Variants in CASC3 observed in about 807,000 individuals in gnomAD.
The protein encoded by CASC3 is protein CASC3.
In CASC3, 30 loss-of-function variants were observed where a neutral mutation model predicts 80.5. That is an observed-to-expected ratio of 0.37 (90% CI 0.28 to 0.51). CASC3 has a LOEUF of 0.51. CASC3 is among the 20% of genes least tolerant of loss of function. The pLI, the probability that CASC3 is intolerant of heterozygous loss-of-function variation, is 0.94. For synonymous variants in CASC3, 312 were observed against 333.6 expected, an observed-to-expected ratio of 0.94 and a Z score of 0.70; for missense variants, 824 against 922.2, an observed-to-expected ratio of 0.89 and a Z score of 1.38.
Position 40,140,627 on chromosome 17 carries a change from G to C in CASC3, c.79G>C (p.Gly27Arg), listed in dbSNP as rs773157954. ...TGGTGCTTCGGGCTCCGACAGCGGC[G>C]GCTCCCCGTTGCGGGGAGGCGGGAG... ...ESGASGSDSG[G>R]SPLRGGGSCS... Residue 27 changes from glycine (G) to arginine (R), a missense_variant, in exon 1 of 14, where the codon GGC (glycine) becomes CGC (arginine). By Grantham distance (125) the Gly-to-Arg change is moderately radical. This residue lies in a region of CASC3 where 159 missense variants were observed against 122.2 expected (regional missense o/e 1.30). Coordinates refer to ENST00000264645, the MANE Select transcript of CASC3 (RefSeq NM_007359.5). The C allele has an allele frequency of 2.5e-6, 4 of 1,609,310 alleles. No individual in the cohort carries two copies. The highest frequency in any genetic ancestry group is 3.4e-6 in the Non-Finnish European group (4 of 1,179,192).
At chr17:40,164,822 C>G (rs1202182003) in intron 7 of CASC3, among the ~76,000 whole-genome samples, 2 of 130,652 alleles carry the variant, frequency 1.5e-5, no homozygotes, top group African/African-American at 2.9e-5. Flanking sequence ...GTGGCACGAT[C>G]TTGGCTCACT....
rs1391029339 is a variant in CASC3 at position 40,163,810 on chromosome 17, G to C, written c.1115G>C (p.Gly372Ala). Residue 372 changes from glycine to alanine, a missense_variant, in exon 7 of 14, where the codon GGC becomes GCC. Physicochemically the swap from Gly to Ala is moderately conservative, Grantham distance 60. Around this residue, in one of 3 missense-constraint regions of CASC3, gnomAD observed 464 missense variants for 506.0 expected, o/e 0.92. Transcript: ENST00000264645. ...PSPEADAPVL[G>A]SPEKEEAASE... ...CCAGAAGCAGATGCTCCAGTGCTTG[G>C]CAGTCCTGAGAAGGAAGAGGCAGCC... is the stretch of plus-strand genomic sequence containing the variant. 1.2e-6 allele frequency: 2 copies of C among 1,614,046 alleles called. No homozygotes were observed. Among genetic ancestry groups the C allele is most frequent in the East Asian group, 2.2e-5 (1 of 44,888 alleles).
intron 3 of CASC3, among the ~76,000 whole-genome samples, chr17:40,148,164 C>G (rs1988906444): frequency 6.6e-6 from 1 of 151,950 alleles, no homozygotes; most frequent in Non-Finnish European, 1.5e-5. Context: ...TGTTGTTTTT[C>G]TGTGGTGGTG....
intron 3 of CASC3, among the ~76,000 whole-genome samples, chr17:40,155,170 T>G (rs901848561): frequency 6.6e-6 from 1 of 152,188 alleles, no homozygotes; most frequent in Non-Finnish European, 1.5e-5. Flanking sequence ...ATTACAGGCA[T>G]GAGCCACTGC....
At chr17:40,144,650 C>T (rs1988807476) in intron 3 of CASC3, among the ~76,000 whole-genome samples, 1 of 149,614 alleles carries the variant, frequency 6.7e-6, no homozygotes, top group Admixed American at 6.7e-5. Flanking sequence ...GCCACTGTGC[C>T]CAGCCCTCTT....
Position 40,163,912 on chromosome 17 carries a change from G to A in CASC3, c.1217G>A (p.Arg406Gln), listed in dbSNP as rs564503238. ...CCCATTGAGAAGAAATCCTATTCCC[G>A]GGCAAGAAGAACTCGAACCAAAGTT... ...DRPIEKKSYS[R>Q]ARRTRTKVGD... Residue 406 changes from arginine (R) to glutamine (Q), a missense_variant, in exon 7 of 14, where the codon CGG becomes CAG. Around this residue, in one of 3 missense-constraint regions of CASC3, gnomAD observed 464 missense variants for 506.0 expected, o/e 0.92. Coordinates refer to ENST00000264645, the MANE Select transcript of CASC3 (RefSeq NM_007359.5). 3.6e-5 allele frequency: 58 copies of A among 1,613,858 alleles called. No homozygotes were observed. The highest frequency in any genetic ancestry group is 4.8e-5 in the Non-Finnish European group (57 of 1,180,018).
In CASC3 at chr17:40,171,006, C is replaced by T; in HGVS notation, c.*601C>T. The T allele has an allele frequency of 2.0e-6, 2 of 985,466 alleles. No individual in the cohort carries two copies. The highest frequency in any genetic ancestry group is 9.4e-5 in the South Asian group (2 of 21,276). 61.0% of individuals were successfully genotyped at this position (985,466 alleles called of 1,614,324 possible). A position where few individuals can be genotyped will look rare whatever the true frequency, so the allele number is the denominator to read the frequency against. On this transcript the variant is annotated 3_prime_UTR_variant, in exon 14 of 14. Coordinates refer to ENST00000264645, the MANE Select transcript of CASC3 (RefSeq NM_007359.5). ...CCCACCAAGTCTAAAAAGACCTGGC[C>T]TTTCACTTTTAGTTGGCATTTGTTA...
In CASC3 at chr17:40,140,775, A is replaced by C. The variant is rs1598417215; in HGVS notation, c.227A>C (p.Glu76Ala). The C allele has an allele frequency of 1.0e-5, 11 of 1,069,988 alleles. No homozygotes were observed. Among genetic ancestry groups the C allele is most frequent in the South Asian group, 3.5e-5 (2 of 56,648 alleles). The allele number at this position is 1,069,988 out of a possible 1,614,324, so 66.3% of individuals were successfully genotyped here. ...SGGAKSAEES[E>A]CESEDGIEGD... is the part of the protein sequence containing the mutation. ...GGCGCCAAGAGTGCTGAGGAGTCGG[A>C]GTGTGTGAGTGCGCGCAGGCGGGGC... Residue 76 changes from glutamate to alanine, a missense_variant, in exon 1 of 14, where the codon GAG becomes GCG. Around this residue, in one of 3 missense-constraint regions of CASC3, gnomAD observed 159 missense variants for 122.2 expected, o/e 1.30. Transcript: ENST00000264645.
At position 40,165,800 on chromosome 17, in the gene CASC3, C is replaced by T. The variant is rs1989435600; in HGVS notation, c.1472-997C>T. Among the ~76,000 whole-genome samples the T allele has an allele frequency of 1.3e-5, 2 of 149,962 alleles. 1 individual carries two copies. Among genetic ancestry groups the T allele is most frequent in the South Asian group, 4.2e-4 (2 of 4,768 alleles). On this transcript the variant is annotated intron_variant, in intron 7 of 13. Coordinates refer to ENST00000264645, the MANE Select transcript of CASC3 (RefSeq NM_007359.5). The stretch of plus-strand genomic sequence containing the variant: ...TTTTAGATGGGTCCCACTTTGTCAC[C>T]CAGGCTAGAGTCTGGAGTGCAGTAG...
rs1989508389 is a variant in CASC3, at chr17:40,168,407, C to T, written c.1955C>T (p.Pro652Leu). 1 of 1,612,808 alleles carries T rather than the reference C, an allele frequency of 6.2e-7. No homozygotes were observed. Among genetic ancestry groups the T allele is most frequent in the Non-Finnish European group, 8.5e-7 (1 of 1,178,860 alleles). The change falls in exon 11 of 14, where the codon CCT (proline) becomes CTT (leucine). Residue 652 changes from proline to leucine, a missense_variant. Coordinates refer to ENST00000264645, the MANE Select transcript of CASC3 (RefSeq NM_007359.5). ...LPPPPPPHLY[P>L]NTQAPSQVYG... The stretch of plus-strand genomic sequence containing the variant: ...CCCCCACCACCGCCTCATCTGTATC[C>T]TAATACACAGGTGAGATGGCTAATG...
At chr17:40,151,694 CAAAAAAAAA>C (rs1010260103) in intron 3 of CASC3, among the ~76,000 whole-genome samples, 3 of 53,098 alleles carry the variant, frequency 5.6e-5, no homozygotes, top group Non-Finnish European at 1.2e-4. Context: ...ACCTTCATCT[CAAAAAAAAA>C]AAAAAAAAAA....
chr17:40,140,789 C>A lies in CASC3; in HGVS notation c.231+10C>A, dbSNP rs532751417. 3.7e-6 allele frequency: 4 copies of A among 1,069,440 alleles called. No individual in the cohort carries two copies. The highest frequency in any genetic ancestry group is 4.0e-5 in the African/African-American group (2 of 49,668). The allele number at this position is 1,069,440 out of a possible 1,614,324, so 66.2% of individuals were successfully genotyped here. ...TGAGGAGTCGGAGTGTGTGAGTGCG[C>A]GCAGGCGGGGCGGGGTGGGGACCGG... On this transcript the variant is annotated intron_variant, in intron 1 of 13. Transcript: ENST00000264645.
At chr17:40,144,708 GC>G (rs1988810933) in intron 3 of CASC3, among the ~76,000 whole-genome samples, 1 of 132,312 alleles carries the variant, frequency 7.6e-6, no homozygotes, top group South Asian at 2.4e-4. Context: ...TCACTCTGTT[GC>G]CCAGTCACCC....
intron 1 of CASC3, 66 bp from the exon 2 acceptor site, chr17:40,141,141 T>C (rs781220756): frequency 6.9e-7 from 1 of 1,458,056 alleles, no homozygotes; most frequent in South Asian, 1.1e-5. Context: ...TTCACCCACA[T>C]TTCTTTATTG....
intron 3 of CASC3, among the ~76,000 whole-genome samples, chr17:40,153,147 C>T (rs1287108291): frequency 6.6e-6 from 1 of 152,070 alleles, no homozygotes. Flanking sequence ...AGTTTTATAT[C>T]CTTTTACCAC....
intron 3 of CASC3, among the ~76,000 whole-genome samples, chr17:40,149,412 C>A (rs560998064): frequency 2.6e-5 from 4 of 151,280 alleles, no homozygotes; most frequent in Admixed American, 2.6e-4. Flanking sequence ...TGTGCCTGGC[C>A]AAAAAAACTT....
At chr17:40,148,441 T>C (rs555374615) in intron 3 of CASC3, among the ~76,000 whole-genome samples, 2 of 151,930 alleles carry the variant, frequency 1.3e-5, no homozygotes, top group Middle Eastern at 6.8e-3. Flanking sequence ...CTCAGCTAAC[T>C]GCAATCTCCG....
chr17:40,146,797 G>A (rs1166754128), intron 3 of CASC3, among the ~76,000 whole-genome samples: 1 of 151,770 alleles, frequency 6.6e-6, no homozygotes, highest in Non-Finnish European at 1.5e-5. Flanking sequence ...TGTTGCCCAG[G>A]CTGATCTTGA....
intron 7 of CASC3, among the ~76,000 whole-genome samples, chr17:40,165,629 A>G (rs117575151): frequency 2.6e-5 from 4 of 152,294 alleles, no homozygotes; most frequent in Non-Finnish European, 4.4e-5. Context: ...GATCTTCTCT[A>G]ATATATTTGA....
Sources: gnomAD v4.1 joint callset for allele counts (sites outside exome capture counted in the v4.1 genomes callset) on GRCh38, gnomAD v4.1.1 for gene constraint, gnomAD v4.1.1 regional missense constraint, MANE v1.5 for transcripts, NCBI Gene and HGNC (gene_info 2026-07-23, HGNC 2026-07-21) for gene names.